The following CLASP1 variants were observed in gnomAD, a reference collection of about 807,000 sequenced individuals.
CLASP1 encodes CLIP-associating protein 1.
A neutral mutation model predicts 192.3 loss-of-function variants in CLASP1; 38 were observed. The observed-to-expected ratio is 0.20, with a 90% CI of 0.15 to 0.26. CLASP1 has a LOEUF of 0.26. Ranked by LOEUF, CLASP1 falls within the 10% of genes least tolerant of loss-of-function variation. CLASP1 has a pLI of 1.00. For synonymous variants in CLASP1, 691 were observed against 712.8 expected, an observed-to-expected ratio of 0.97 and a Z score of 0.49; for missense variants, 1,433 against 1,932.5, an observed-to-expected ratio of 0.74 and a Z score of 4.85.
intron 2 of CLASP1, chr2:121,531,126 AAAGTTCTT>A: frequency 1.6e-6 from 1 of 626,154 alleles, no homozygotes; most frequent in Admixed American, 2.4e-5. Flanking sequence ...TGTCGCAAGT[AAAGTTCTT>A]TCAGTTTTTG....
chr2:121,544,224 T>C (rs2095287500), intron 2 of CLASP1, among the ~76,000 whole-genome samples: 1 of 152,166 alleles, frequency 6.6e-6, no homozygotes, highest in Non-Finnish European at 1.5e-5. Flanking sequence ...GTACTGTAAC[T>C]AATTTTAGAG....
chr2:121,470,986 C>T (rs1425757064), intron 8 of CLASP1, among the ~76,000 whole-genome samples: 1 of 152,134 alleles, frequency 6.6e-6, no homozygotes, highest in East Asian at 1.9e-4. Context: ...CCAATCAATA[C>T]TCCTCAAGTT....
At chr2:121,402,715 T>C in intron 26 of CLASP1, 1 of 506,846 alleles carries the variant, frequency 2.0e-6, no homozygotes, top group Non-Finnish European at 3.9e-6. Context: ...CATCTAATAG[T>C]GTTCACGTTA....
chr2:121,493,970 G>A (rs1223425980), intron 8 of CLASP1, among the ~76,000 whole-genome samples: 1 of 152,152 alleles, frequency 6.6e-6, no homozygotes, highest in Non-Finnish European at 1.5e-5. Flanking sequence ...AGGATGTGGA[G>A]AAAAGGGAAC....
chr2:121,393,596 C>T (rs1181152449), intron 30 of CLASP1, among the ~76,000 whole-genome samples: 4 of 152,176 alleles, frequency 2.6e-5, no homozygotes, highest in East Asian at 1.9e-4. Context: ...GCTTCAAGAA[C>T]GTCTCATATT....
At chr2:121,525,402 C>G (rs923426140) in intron 6 of CLASP1, among the ~76,000 whole-genome samples, 3 of 152,068 alleles carry the variant, frequency 2.0e-5, no homozygotes, top group Non-Finnish European at 4.4e-5. Flanking sequence ...GTGGAGCCAC[C>G]CCCCAAAGCA....
chr2:121,610,231 C>T (rs1017282034), intron 1 of CLASP1, among the ~76,000 whole-genome samples: 1 of 147,032 alleles, frequency 6.8e-6, no homozygotes, highest in African/African-American at 2.5e-5. Context: ...GGAGAAGTTA[C>T]AGGAGGAAGA....
intron 37 of CLASP1, among the ~76,000 whole-genome samples, chr2:121,352,855 C>T (rs1243068636): frequency 2.6e-5 from 4 of 151,938 alleles, no homozygotes; most frequent in African/African-American, 7.2e-5. Flanking sequence ...GGTTTCACCA[C>T]GTTGACCAGG....
intron 19 of CLASP1, among the ~76,000 whole-genome samples, chr2:121,430,976 T>TAA (rs34189269): frequency 1.1e-4 from 15 of 140,394 alleles, no homozygotes; most frequent in African/African-American, 2.1e-4. Flanking sequence ...GATTAAACTT[T>TAA]AAAAAAAAAA....
intron 4 of CLASP1, 86 bp from the exon 5 acceptor site, chr2:121,527,976 A>T: frequency 9.9e-7 from 1 of 1,006,170 alleles, no homozygotes. Context: ...CAAGCCTCTT[A>T]ACGAGCGCCA....
At chr2:121,445,634 A>C in intron 19 of CLASP1, 1 of 404,202 alleles carries the variant, frequency 2.5e-6, no homozygotes, top group Non-Finnish European at 4.7e-6. Context: ...TTGTTTGGGG[A>C]CAAAATAAGG....
At chr2:121,619,513 G>A (rs1396610955) in intron 1 of CLASP1, among the ~76,000 whole-genome samples, 1 of 151,952 alleles carries the variant, frequency 6.6e-6, no homozygotes, top group African/African-American at 2.4e-5. Flanking sequence ...ACTATAGGCT[G>A]GTCAACACAA....
chr2:121,436,213 G>A (rs930315399), intron 19 of CLASP1, among the ~76,000 whole-genome samples: 2 of 151,954 alleles, frequency 1.3e-5, no homozygotes, highest in Non-Finnish European at 2.9e-5. Flanking sequence ...TGTATTTTTA[G>A]TGGAGACAGG....
chr2:121,582,785 CTT>C (rs869194901), intron 2 of CLASP1, among the ~76,000 whole-genome samples: 27 of 142,838 alleles, frequency 1.9e-4, no homozygotes, highest in Admixed American at 2.8e-4. Flanking sequence ...TTCTTTCTTC[CTT>C]TTTTTTTTTT....
At chr2:121,521,784 G>GAGCT (rs2094462887) in intron 6 of CLASP1, among the ~76,000 whole-genome samples, 1 of 152,198 alleles carries the variant, frequency 6.6e-6, no homozygotes, top group Non-Finnish European at 1.5e-5. Context: ...GGGAAATGAA[G>GAGCT]AGCTGGAGGC....
chr2:121,408,132 T>G (rs538276665), intron 24 of CLASP1, among the ~76,000 whole-genome samples: 2 of 152,348 alleles, frequency 1.3e-5, no homozygotes, highest in South Asian at 2.1e-4. Flanking sequence ...GTTAAATATT[T>G]CAGCTGGGCA....
chr2:121,593,916 G>A (rs1409031259), intron 2 of CLASP1, among the ~76,000 whole-genome samples: 1 of 151,682 alleles, frequency 6.6e-6, no homozygotes, highest in African/African-American at 2.4e-5. Flanking sequence ...GGCTGAGCCA[G>A]GAGAATCACT....
At chr2:121,545,059 G>A (rs577087541) in intron 2 of CLASP1, among the ~76,000 whole-genome samples, 6 of 152,030 alleles carry the variant, frequency 3.9e-5, no homozygotes, top group Admixed American at 6.6e-5. Context: ...TTACAGGCGT[G>A]TGCCACCACA....
intron 39 of CLASP1, among the ~76,000 whole-genome samples, chr2:121,344,577 C>T (rs548381478): frequency 1.3e-5 from 2 of 152,050 alleles, no homozygotes; most frequent in East Asian, 1.9e-4. Flanking sequence ...ATGATCCGCC[C>T]GCCTCGGCCT....
Sources: allele counts gnomAD v4.1 joint callset (sites outside exome capture counted in the v4.1 genomes callset), GRCh38; gene constraint gnomAD v4.1.1; transcripts MANE v1.5; gene names NCBI Gene and HGNC (gene_info 2026-07-23, HGNC 2026-07-21).